ULK4: variants seen among roughly 807,000 people sequenced by gnomAD.
The protein encoded by ULK4 is unc-51 like kinase 4.
In ULK4, 133 loss-of-function variants were observed where a neutral mutation model predicts 160.6. The observed-to-expected ratio is 0.83, with a 90% confidence interval of 0.72 to 0.96. The LOEUF (loss-of-function observed/expected upper bound fraction) is 0.96, where lower values mean the gene tolerates loss of function less well. ULK4 is among the 40% of genes least tolerant of loss of function. The pLI is 0.00. For missense variants in ULK4, 1,580 were observed against 1,499.5 expected (o/e 1.05, Z -0.89); for synonymous variants, 534 against 539.8 (o/e 0.99, Z 0.15).
chr3:41,526,556 C>T (rs1363118092), intron 32 of ULK4, among the ~76,000 whole-genome samples: 1 of 152,232 alleles, frequency 6.6e-6, no homozygotes, highest in Admixed American at 6.5e-5. Context: ...CTTCCCCTGG[C>T]TTCCCTAATG....
At chr3:41,345,102 A>G (rs2080772830) in intron 35 of ULK4, among the ~76,000 whole-genome samples, 1 of 152,196 alleles carries the variant, frequency 6.6e-6, no homozygotes, top group South Asian at 2.1e-4. Flanking sequence ...CAGCATGGCT[A>G]TTATTAAAAA....
At chr3:41,487,537 A>C (rs2084583236) in intron 32 of ULK4, among the ~76,000 whole-genome samples, 1 of 152,196 alleles carries the variant, frequency 6.6e-6, no homozygotes, top group Admixed American at 6.5e-5. Flanking sequence ...CTAGACGTAG[A>C]TAATAGGAAT....
rs1165381982 is a variant in ULK4 at position 41,420,475 on chromosome 3, C to CTTTTTTTTTTTTTTTTTTTTTTTTTTTT, written c.3493-22212_3493-22211insAAAAAAAAAAAAAAAAAAAAAAAAAAAA. Among the ~76,000 whole-genome samples the CTTTTTTTTTTTTTTTTTTTTTTTTTTTT allele has an allele frequency of 3.2e-4, 13 of 41,178 alleles. 3 individuals carry two copies. Among genetic ancestry groups the CTTTTTTTTTTTTTTTTTTTTTTTTTTTT allele is most frequent in the Admixed American group, 4.9e-4 (1 of 2,040 alleles). 27.0% of individuals were successfully genotyped at this position (41,178 alleles called of 152,430 possible). ...GGATTTTTCAGTTTTCCAGTTCTTT[C>CTTTTTTTTTTTTTTTTTTTTTTTTTTTT]TTTTTTTTTTTTTTTTTTTTTTTTT... On this transcript the variant is annotated intron_variant, in intron 34 of 36. Coordinates refer to ENST00000301831, the MANE Select transcript of ULK4 (RefSeq NM_017886.4).
chr3:41,791,742 T>C (rs2040157347), intron 20 of ULK4, among the ~76,000 whole-genome samples: 1 of 152,228 alleles, frequency 6.6e-6, no homozygotes, highest in South Asian at 2.1e-4. Flanking sequence ...ATTAATACTC[T>C]ATACATTTAC....
chr3:41,579,920 G>C (rs1308984408), intron 31 of ULK4, among the ~76,000 whole-genome samples: 1 of 152,120 alleles, frequency 6.6e-6, no homozygotes, highest in African/African-American at 2.4e-5. Flanking sequence ...CAAAGACAGG[G>C]AGCAGAAAAG....
chr3:41,642,695 G>C (rs1468439414), intron 30 of ULK4, among the ~76,000 whole-genome samples: 1 of 152,126 alleles, frequency 6.6e-6, no homozygotes, highest in African/African-American at 2.4e-5. Context: ...AGTCCTTTGG[G>C]TATATACCCA....
At chr3:41,586,386 C>G (rs1413757782) in intron 31 of ULK4, among the ~76,000 whole-genome samples, 1 of 152,000 alleles carries the variant, frequency 6.6e-6, no homozygotes, top group African/African-American at 2.4e-5. Flanking sequence ...GTGAAATAAG[C>G]CAGTCACAAA....
At chr3:41,808,816 AG>A (rs2040731209) in intron 19 of ULK4, among the ~76,000 whole-genome samples, 1 of 152,174 alleles carries the variant, frequency 6.6e-6, no homozygotes. Flanking sequence ...GGCAAACACC[AG>A]TTTAAGTCTC....
At chr3:41,431,439 A>C (rs957063856) in intron 34 of ULK4, among the ~76,000 whole-genome samples, 1 of 150,314 alleles carries the variant, frequency 6.7e-6, no homozygotes, top group East Asian at 2.0e-4. Context: ...AAAAGCAAAC[A>C]TCCTAGGTAG....
intron 22 of ULK4, among the ~76,000 whole-genome samples, chr3:41,721,254 AATT>A (rs1559507417): frequency 7.1e-4 from 29 of 40,628 alleles, no homozygotes; most frequent in Admixed American, 1.0e-3. Flanking sequence ...TTTCGCTTTG[AATT>A]TTTTTTTTTT....
In ULK4 at chr3:41,938,084, A is replaced by G. The variant is rs377397316; in HGVS notation, c.238+14T>C. 4.4e-6 allele frequency: 7 copies of G among 1,573,718 alleles called. No individual in the cohort carries two copies. In the Admixed American group the frequency reaches 5.5e-5, roughly 12 times the overall value. On this transcript the variant is annotated intron_variant, in intron 3 of 36. Transcript: ENST00000301831. ...ATACTATATTCATAGCACTTTTTAC[A>G]TACTCTTTCTTACCTGTGCAGAGTT...
chr3:41,793,179 A>G (rs1048398091), intron 20 of ULK4, among the ~76,000 whole-genome samples: 4 of 74,412 alleles, frequency 5.4e-5, no homozygotes. Flanking sequence ...ATCTCAAAAA[A>G]AAAACCAACA....
chr3:41,491,827 C>T (rs1205476225), intron 32 of ULK4, among the ~76,000 whole-genome samples: 3 of 151,592 alleles, frequency 2.0e-5, no homozygotes, highest in South Asian at 2.1e-4. Context: ...GTGTGCTGCA[C>T]CCATTAACTC....
intron 17 of ULK4, among the ~76,000 whole-genome samples, chr3:41,861,172 G>T (rs765395395): frequency 1.3e-4 from 20 of 152,102 alleles, no homozygotes; most frequent in Admixed American, 5.2e-4. Flanking sequence ...ACTTATAGTA[G>T]AAGTAGTTTA....
intron 17 of ULK4, among the ~76,000 whole-genome samples, chr3:41,850,815 A>G (rs888968317): frequency 5.3e-5 from 8 of 152,194 alleles, no homozygotes; most frequent in African/African-American, 1.9e-4. Context: ...TAGTTTAATT[A>G]GATCCCATTT....
At chr3:41,520,139 C>G (rs537043221) in intron 32 of ULK4, among the ~76,000 whole-genome samples, 3 of 152,234 alleles carry the variant, frequency 2.0e-5, no homozygotes, top group African/African-American at 7.2e-5. Context: ...TGTTGTGTAA[C>G]CATCACCACT....
chr3:41,835,810 C>T (rs977607531), intron 18 of ULK4, 54 bp downstream of exon 18: 2 of 1,342,046 alleles, frequency 1.5e-6, no homozygotes, highest in Admixed American at 4.1e-5. Context: ...TACTTGTCAG[C>T]CAGAGTATGT....
intron 22 of ULK4, among the ~76,000 whole-genome samples, chr3:41,754,127 G>C (rs1470716720): frequency 6.6e-6 from 1 of 152,134 alleles, no homozygotes; most frequent in Non-Finnish European, 1.5e-5. Flanking sequence ...GGTGGGGACA[G>C]AGAGACAAAC....
intron 30 of ULK4, among the ~76,000 whole-genome samples, chr3:41,643,703 A>T (rs534355228): frequency 2.0e-4 from 31 of 152,226 alleles, no homozygotes; most frequent in Admixed American, 1.4e-3. Flanking sequence ...ATGAACTTGA[A>T]AGCAGTTTTT....
Sources: gnomAD v4.1 joint callset for allele counts (sites outside exome capture counted in the v4.1 genomes callset) on GRCh38, gnomAD v4.1.1 for gene constraint, MANE v1.5 for transcripts, NCBI Gene and HGNC (gene_info 2026-07-23, HGNC 2026-07-21) for gene names.